Variants in CYP2C19 observed in about 807,000 individuals in gnomAD.
The protein encoded by CYP2C19 is cytochrome P450 2C19.
CYP2C19 carries 59 observed loss-of-function variants against 40.9 expected under a neutral mutation model. The ratio of observed to expected loss-of-function variants is 1.44; its 90% CI spans 1.17 to 1.79. The LOEUF (loss-of-function observed/expected upper bound fraction) is 1.79, where lower values mean the gene tolerates loss of function less well. CYP2C19 is among the 40% of genes most tolerant of loss of function. The pLI is 0.00. For missense variants in CYP2C19, 754 were observed against 596.9 expected, an observed-to-expected ratio of 1.26 and a Z score of -2.74; for synonymous variants, 253 against 208.7, an observed-to-expected ratio of 1.21 and a Z score of -1.83.
intron 3 of CYP2C19, among the ~76,000 whole-genome samples, chr10:94,777,184 CATGAATAGTA>C (rs745586645): frequency 1.1e-4 from 16 of 152,140 alleles, no homozygotes; most frequent in Non-Finnish European, 1.9e-4. Flanking sequence ...GTTCCATGCT[CATGAATAGTA>C]AGAATCAATA....
intron 5 of CYP2C19, among the ~76,000 whole-genome samples, chr10:94,787,297 C>T (rs1186932930): frequency 6.6e-6 from 1 of 151,960 alleles, no homozygotes; most frequent in Non-Finnish European, 1.5e-5. Context: ...TGTATGTCTT[C>T]TTTGGAAGGA....
At chr10:94,807,256 T>C (rs1463552061) in intron 5 of CYP2C19, among the ~76,000 whole-genome samples, 4 of 152,164 alleles carry the variant, frequency 2.6e-5, no homozygotes, top group Admixed American at 2.6e-4. Context: ...TTCCATGGTG[T>C]ATGTATACAT....
At chr10:94,780,741 C>T (rs1848468997) in intron 4 of CYP2C19, 82 bp downstream of exon 4, 1 of 1,487,954 alleles carries the variant, frequency 6.7e-7, no homozygotes. Context: ...TTGACCAAGC[C>T]CTGAAGTACA....
chr10:94,780,488 C>G lies in CYP2C19; in HGVS notation c.482-11C>G. 6.2e-7 allele frequency: 1 copy of G among 1,611,228 alleles called. No homozygotes were observed. Among genetic ancestry groups the G allele is most frequent in the Admixed American group, 1.7e-5 (1 of 59,890 alleles). ...TTTACTCATATTTTAAAATTGTTTC[C>G]AATCATTTAGCTTCACCCTGTGATC... is the stretch of plus-strand genomic sequence containing the variant. On this transcript the variant is annotated splice_polypyrimidine_tract_variant and intron_variant, in intron 3 of 8. Coordinates refer to ENST00000371321, the MANE Select transcript of CYP2C19 (RefSeq NM_000769.4).
chr10:94,826,350 G>A (rs1054590399), intron 6 of CYP2C19, among the ~76,000 whole-genome samples: 18 of 152,192 alleles, frequency 1.2e-4, no homozygotes, highest in Non-Finnish European at 2.4e-4. Flanking sequence ...GTGGTTTGTA[G>A]TTCTCCTTGA....
At chr10:94,850,210 G>A in intron 8 of CYP2C19, 152 bp downstream of exon 8, 1 of 890,626 alleles carries the variant, frequency 1.1e-6, no homozygotes, top group Non-Finnish European at 1.7e-6. Context: ...CTCCGCTGGT[G>A]ATACATCCTC....
At chr10:94,851,769 A>G (rs1456430954) in intron 8 of CYP2C19, among the ~76,000 whole-genome samples, 1 of 152,136 alleles carries the variant, frequency 6.6e-6, no homozygotes, top group Non-Finnish European at 1.5e-5. Flanking sequence ...TTATTTTAGC[A>G]AGGACAGAGC....
chr10:94,833,646 T>C (rs561579240), intron 6 of CYP2C19, among the ~76,000 whole-genome samples: 5 of 152,208 alleles, frequency 3.3e-5, no homozygotes, highest in Admixed American at 2.6e-4. Context: ...ATGTCCTTTG[T>C]AGGAACATGG....
At chr10:94,801,774 CT>C (rs1048507036) in intron 5 of CYP2C19, among the ~76,000 whole-genome samples, 3 of 152,070 alleles carry the variant, frequency 2.0e-5, no homozygotes, top group African/African-American at 7.2e-5. Flanking sequence ...CTGGATGCCC[CT>C]GTATTGGGTG....
rs911064017 is a variant in CYP2C19 at position 94,854,983 on chromosome 10, T to C, written c.*2069T>C. ...TAGTAGAGGTGTTGACAAACACCCA[T>C]GGGTGAGATAAATAAAAAAGTTGTC... On this transcript the variant is annotated 3_prime_UTR_variant, in exon 9 of 9. Coordinates refer to ENST00000371321, the MANE Select transcript of CYP2C19 (RefSeq NM_000769.4). 1.5e-4 allele frequency among the ~76,000 whole-genome samples: 23 copies of C among 152,336 alleles called. No individual in the cohort carries two copies. The highest frequency in any genetic ancestry group is 1.0e-3 in the Admixed American group (16 of 15,302).
intron 6 of CYP2C19, among the ~76,000 whole-genome samples, chr10:94,842,362 C>T (rs1471100614): frequency 2.4e-4 from 30 of 123,398 alleles, no homozygotes; most frequent in African/African-American, 8.6e-4. Context: ...CATTCCTTTA[C>T]TTTCAGTCTA....
chr10:94,812,995 T>C (rs933418670), intron 5 of CYP2C19, among the ~76,000 whole-genome samples: 2 of 151,686 alleles, frequency 1.3e-5, no homozygotes, highest in African/African-American at 4.9e-5. Flanking sequence ...TTTCTCATAT[T>C]TGTGGATTTA....
intron 5 of CYP2C19, among the ~76,000 whole-genome samples, chr10:94,785,186 A>G (rs1458398571): frequency 6.6e-6 from 1 of 151,894 alleles, no homozygotes; most frequent in Non-Finnish European, 1.5e-5. Context: ...TGGTTTATCT[A>G]TTTTTTCTTT....
chr10:94,816,759 T>C (rs886710370), intron 5 of CYP2C19, among the ~76,000 whole-genome samples: 1 of 139,970 alleles, frequency 7.1e-6, no homozygotes, highest in Admixed American at 7.7e-5. Flanking sequence ...CCCCAGAGTG[T>C]GGTATTCCCC....
chr10:94,778,381 G>T (rs1432941798), intron 3 of CYP2C19, among the ~76,000 whole-genome samples: 1 of 152,038 alleles, frequency 6.6e-6, no homozygotes, highest in Admixed American at 6.5e-5. Flanking sequence ...CTTTCAGAAG[G>T]CCTGCTCCTT....
intron 5 of CYP2C19, among the ~76,000 whole-genome samples, chr10:94,809,321 T>C (rs1848880720): frequency 6.6e-6 from 1 of 152,176 alleles, no homozygotes. Context: ...GCTCCTTATA[T>C]AGTCTGGTTG....
chr10:94,813,731 G>T (rs1848960547), intron 5 of CYP2C19, among the ~76,000 whole-genome samples: 1 of 151,064 alleles, frequency 6.6e-6, no homozygotes, highest in South Asian at 2.1e-4. Context: ...CTCCATGGGG[G>T]TGAGATCCCC....
intron 5 of CYP2C19, among the ~76,000 whole-genome samples, chr10:94,818,146 A>G (rs948540542): frequency 6.7e-6 from 1 of 149,278 alleles, no homozygotes; most frequent in African/African-American, 2.5e-5. Context: ...TTAAATAGGG[A>G]ATCCTTTCCC....
chr10:94,849,598 A>C (rs1415400139), intron 7 of CYP2C19, among the ~76,000 whole-genome samples: 1 of 149,872 alleles, frequency 6.7e-6, no homozygotes, highest in Non-Finnish European at 1.5e-5. Context: ...ATCATTTAGC[A>C]TTAGGTATAT....
Sources: gnomAD v4.1 joint callset for allele counts (sites outside exome capture counted in the v4.1 genomes callset) on GRCh38, gnomAD v4.1.1 for gene constraint, MANE v1.5 for transcripts, NCBI Gene and HGNC (gene_info 2026-07-23, HGNC 2026-07-21) for gene names.